CCDC30: variants seen among roughly 807,000 people sequenced by gnomAD.
The protein encoded by CCDC30 is coiled-coil domain-containing protein 30.
A neutral mutation model predicts 100.2 loss-of-function variants in CCDC30; 70 were observed. That is an observed-to-expected ratio of 0.70 (90% CI 0.58 to 0.85). The LOEUF (loss-of-function observed/expected upper bound fraction) is 0.85, where lower values mean the gene tolerates loss of function less well. CCDC30 is among the 40% of genes least tolerant of loss of function. The pLI is 0.00. For synonymous variants in CCDC30, 233 were observed against 269.5 expected, an observed-to-expected ratio of 0.86 and a Z score of 1.33; for missense variants, 652 against 771.2, an observed-to-expected ratio of 0.85 and a Z score of 1.83.
chr1:42,626,612 C>T (rs536948620), intron 11 of CCDC30, among the ~76,000 whole-genome samples: 28 of 152,256 alleles, frequency 1.8e-4, no homozygotes, highest in Middle Eastern at 3.4e-3. Flanking sequence ...TCAACTTGAA[C>T]TTTATCTCCC....
chr1:42,579,093 C>T (rs962314557), intron 8 of CCDC30, among the ~76,000 whole-genome samples: 2 of 151,984 alleles, frequency 1.3e-5, no homozygotes, highest in African/African-American at 4.8e-5. Flanking sequence ...CAGATTCAAG[C>T]GATTCTCCTG....
At chr1:42,472,970 A>G (rs1643818355) in intron 1 of CCDC30, among the ~76,000 whole-genome samples, 1 of 152,142 alleles carries the variant, frequency 6.6e-6, no homozygotes, top group Non-Finnish European at 1.5e-5. Flanking sequence ...AAGTGTGATG[A>G]AGGTTCAGGT....
At chr1:42,656,432 ACCAGCCAGG>A (rs1181515737), downstream of CCDC30, among the ~76,000 whole-genome samples, 1 of 152,160 alleles carries the variant, frequency 6.6e-6, no homozygotes, top group African/African-American at 2.4e-5. Flanking sequence ...GGAGTTCAAG[ACCAGCCAGG>A]CCAACATGGC....
intron 6 of CCDC30, 75 bp from the exon 10 acceptor site, chr1:42,556,081 C>T: frequency 7.0e-7 from 1 of 1,429,754 alleles, no homozygotes; most frequent in Non-Finnish European, 9.5e-7. Flanking sequence ...ACTGTCTTGA[C>T]TTGTAGCTTT....
chr1:42,468,427 G>A (rs905527459), intron 1 of CCDC30, among the ~76,000 whole-genome samples: 1 of 151,852 alleles, frequency 6.6e-6, no homozygotes. Context: ...CATTCCTTAA[G>A]GACAGTTTCT....
chr1:42,636,716 C>T (rs974881181), intron 11 of CCDC30, among the ~76,000 whole-genome samples: 2 of 151,952 alleles, frequency 1.3e-5, no homozygotes, highest in African/African-American at 4.8e-5. Flanking sequence ...GCCTGTAATC[C>T]CAGCATCTTG....
At chr1:42,497,016 C>T (rs1188617937) in intron 4 of CCDC30, 82 bp from the exon 5 acceptor site, 4 of 610,374 alleles carry the variant, frequency 6.6e-6, no homozygotes, top group Non-Finnish European at 9.6e-6. Flanking sequence ...GGCTAAATAG[C>T]ACTTCCTTCG....
chr1:42,633,114 A>G (rs1167491631), intron 11 of CCDC30, among the ~76,000 whole-genome samples: 2 of 152,140 alleles, frequency 1.3e-5, no homozygotes, highest in Non-Finnish European at 2.9e-5. Flanking sequence ...CTGGCCAGCT[A>G]TACATTATTC....
chr1:42,497,282 A>AC, intron 5 of CCDC30, 69 bp downstream of exon 5: 1 of 902,146 alleles, frequency 1.1e-6, no homozygotes, highest in Non-Finnish European at 1.5e-6. Flanking sequence ...CATAAGCAAC[A>AC]CAGGTATACA....
In CCDC30 at chr1:42,482,238, AT is replaced by A. The variant is rs1643971989; in HGVS notation, c.16-424del. 2.6e-5 allele frequency among the ~76,000 whole-genome samples: 4 copies of A among 151,520 alleles called. No homozygotes were observed. In the South Asian group the frequency reaches 8.3e-4, roughly 32 times the overall value. ...ACTCCATCTCAAAAAAAAAAAAAAA[AT>A]CATTACATTAGAAAATCTGTACAGC... On this transcript the variant is annotated intron_variant, in intron 2 of 16. Coordinates refer to ENST00000668663, the Ensembl canonical transcript of CCDC30.
intron 6 of CCDC30, among the ~76,000 whole-genome samples, chr1:42,527,727 C>T (rs1644742459): frequency 6.6e-6 from 1 of 152,126 alleles, no homozygotes; most frequent in South Asian, 2.1e-4. Context: ...ATTCTTCCTT[C>T]CCACATTCTA....
At chr1:42,536,533 A>G in intron 6 of CCDC30, 4 of 1,611,444 alleles carry the variant, frequency 2.5e-6, no homozygotes, top group Non-Finnish European at 3.4e-6. Context: ...GTCAAAAGAG[A>G]GAGAGAGAGA....
intron 6 of CCDC30, among the ~76,000 whole-genome samples, chr1:42,513,229 C>T (rs1644506704): frequency 6.6e-6 from 1 of 152,136 alleles, no homozygotes; most frequent in Non-Finnish European, 1.5e-5. Context: ...GAGAGCAGCT[C>T]TCTCTTGTGA....
intron 11 of CCDC30, among the ~76,000 whole-genome samples, chr1:42,630,288 T>A (rs1570299555): frequency 6.6e-6 from 1 of 151,820 alleles, no homozygotes; most frequent in Admixed American, 6.6e-5. Flanking sequence ...TTTGCCCTTT[T>A]GAGGCTATTT....
intron 10 of CCDC30, chr1:42,595,068 C>T (rs1159448712): frequency 6.6e-6 from 1 of 151,350 alleles, no homozygotes; most frequent in Non-Finnish European, 1.5e-5. Context: ...TACGGTAGAA[C>T]CAATGAGTCA....
intron 6 of CCDC30, among the ~76,000 whole-genome samples, chr1:42,550,369 C>A (rs895431752): frequency 6.6e-6 from 1 of 152,110 alleles, no homozygotes; most frequent in Non-Finnish European, 1.5e-5. Context: ...AAATGCAAAT[C>A]GAATAATATT....
intron 7 of CCDC30, among the ~76,000 whole-genome samples, chr1:42,574,398 T>C (rs1175707706): frequency 1.3e-5 from 2 of 152,042 alleles, no homozygotes; most frequent in African/African-American, 2.4e-5. Context: ...AATTTATTAA[T>C]CTTGTCTTCT....
intron 10 of CCDC30, among the ~76,000 whole-genome samples, chr1:42,603,262 G>A (rs1434185268): frequency 6.6e-6 from 1 of 152,136 alleles, no homozygotes; most frequent in Non-Finnish European, 1.5e-5. Context: ...TAGTGGAAAG[G>A]ATAAAAGGGT....
chr1:42,654,011 C>G, exon 17 of CCDC30: 1 of 1,613,116 alleles, frequency 6.2e-7, no homozygotes, highest in South Asian at 1.1e-5. Flanking sequence ...AGAACAAGAC[C>G]AAAAGTCAGA....
Sources: gnomAD v4.1 joint callset for allele counts (sites outside exome capture counted in the v4.1 genomes callset) on GRCh38, gnomAD v4.1.1 for gene constraint, MANE v1.5 for transcripts, NCBI Gene and HGNC (gene_info 2026-07-23, HGNC 2026-07-21) for gene names.